MAST4: variants seen among roughly 807,000 people sequenced by gnomAD.
The protein encoded by MAST4 is microtubule associated serine/threonine kinase family member 4.
In MAST4, 89 loss-of-function variants were observed where a neutral mutation model predicts 162.7. The ratio of observed to expected loss-of-function variants is 0.55; its 90% CI spans 0.46 to 0.65. MAST4 has a LOEUF of 0.65. Ranked by LOEUF, MAST4 falls within the 30% of genes least tolerant of loss-of-function variation. The pLI, the probability that MAST4 is intolerant of heterozygous loss-of-function variation, is 0.00. For synonymous variants in MAST4, 1,479 were observed against 1,361.1 expected, an observed-to-expected ratio of 1.09 and a Z score of -1.91; for missense variants, 3,153 against 3,374.0, an observed-to-expected ratio of 0.93 and a Z score of 1.62.
intron 3 of MAST4, among the ~76,000 whole-genome samples, chr5:66,866,060 G>A (rs991752698): frequency 3.1e-5 from 4 of 129,284 alleles, no homozygotes; most frequent in African/African-American, 1.2e-4. Flanking sequence ...GGGTGACAGA[G>A]TGAATCTCCA....
At chr5:66,706,099 T>C (rs1750107836) in intron 1 of MAST4, among the ~76,000 whole-genome samples, 5 of 152,196 alleles carry the variant, frequency 3.3e-5, no homozygotes, top group Admixed American at 3.3e-4. Flanking sequence ...ACTGTGAAGA[T>C]TCCTAGGCTC....
At chr5:66,630,041 A>G (rs1744696015) in intron 1 of MAST4, among the ~76,000 whole-genome samples, 1 of 152,192 alleles carries the variant, frequency 6.6e-6, no homozygotes, top group African/African-American at 2.4e-5. Context: ...AGACCATACT[A>G]GGGAGTGGTT....
At chr5:66,610,546 T>A (rs1453874375) in intron 1 of MAST4, among the ~76,000 whole-genome samples, 4 of 152,248 alleles carry the variant, frequency 2.6e-5, no homozygotes, top group Non-Finnish European at 5.9e-5. Flanking sequence ...TCTGCCTCTT[T>A]GAGCCGCTCC....
intron 1 of MAST4, among the ~76,000 whole-genome samples, chr5:66,685,638 A>G (rs1237690472): frequency 6.6e-6 from 1 of 152,286 alleles, no homozygotes; most frequent in South Asian, 2.1e-4. Flanking sequence ...AACTAGGTTC[A>G]CTATAAGTTT....
intron 3 of MAST4, among the ~76,000 whole-genome samples, chr5:66,898,885 G>A (rs542428173): frequency 6.6e-6 from 1 of 152,320 alleles, no homozygotes; most frequent in South Asian, 2.1e-4. Context: ...GCTGGAGTAA[G>A]TTGTGCTGTG....
intron 7 of MAST4, among the ~76,000 whole-genome samples, chr5:67,097,161 A>G (rs147625005): frequency 4.9e-4 from 75 of 152,276 alleles, no homozygotes; most frequent in African/African-American, 1.2e-3. Flanking sequence ...TATTCTTTCC[A>G]TCTTTAGTAA....
chr5:67,102,714 T>A, intron 9 of MAST4, 103 bp downstream of exon 9: 1 of 869,666 alleles, frequency 1.1e-6, no homozygotes, highest in Non-Finnish European at 1.9e-6. Flanking sequence ...TCCAATCTAG[T>A]AATGATTTGC....
At chr5:66,852,947 G>T (rs948796162) in intron 3 of MAST4, among the ~76,000 whole-genome samples, 1 of 152,170 alleles carries the variant, frequency 6.6e-6, no homozygotes, top group Non-Finnish European at 1.5e-5. Context: ...AAACAGAAAT[G>T]ACATACTCTT....
intron 4 of MAST4, among the ~76,000 whole-genome samples, chr5:66,933,906 G>A (rs1040582350): frequency 1.3e-5 from 2 of 151,940 alleles, no homozygotes; most frequent in African/African-American, 4.8e-5. Flanking sequence ...TGCCCTGGGT[G>A]GTGTTGAACT....
At chr5:66,760,119 AT>A (rs1245196928) in intron 2 of MAST4, among the ~76,000 whole-genome samples, 1 of 148,700 alleles carries the variant, frequency 6.7e-6, no homozygotes. Flanking sequence ...TTATTTATTT[AT>A]TTATTTTTTG....
chr5:66,599,782 C>A (rs531646066), intron 1 of MAST4, among the ~76,000 whole-genome samples: 1 of 151,926 alleles, frequency 6.6e-6, no homozygotes, highest in Non-Finnish European at 1.5e-5. Flanking sequence ...TGTGACAAGG[C>A]GATGTGAGTG....
At position 66,604,449 on chromosome 5, in the gene MAST4, A is replaced by G. The variant is rs868294130; in HGVS notation, c.363+7431A>G. Among the ~76,000 whole-genome samples, 5 of 152,254 alleles carry G rather than the reference A, an allele frequency of 3.3e-5. No homozygotes were observed. The South Asian group carries it at 6.2e-4, about 19-fold the overall frequency. ...GGAATGATGGTAGGTGGGAGGGAAGATGGAATACTGATAAATTGAACTTCT... is the reference window on the plus strand; with the variant it reads ...GGAATGATGGTAGGTGGGAGGGAAGGTGGAATACTGATAAATTGAACTTCT... On this transcript the variant is annotated intron_variant, in intron 1 of 28. Transcript: ENST00000403625.
chr5:67,133,796 T>C, intron 17 of MAST4, 150 bp downstream of exon 17: 1 of 832,414 alleles, frequency 1.2e-6, no homozygotes, highest in Non-Finnish European at 1.8e-6. Context: ...TGCAAATTGC[T>C]CCCATTTTTC....
intron 1 of MAST4, among the ~76,000 whole-genome samples, chr5:66,647,508 A>G (rs1745920251): frequency 6.6e-6 from 1 of 152,210 alleles, no homozygotes. Context: ...TTTTATATAA[A>G]TAAACCAAAT....
At chr5:67,034,511 A>C (rs1755766674) in intron 4 of MAST4, among the ~76,000 whole-genome samples, 2 of 152,150 alleles carry the variant, frequency 1.3e-5, no homozygotes, top group Non-Finnish European at 2.9e-5. Flanking sequence ...TTCAATAGCG[A>C]GAGTCAGGCG....
chr5:67,166,643 C>T lies in MAST4; in HGVS notation c.7464C>T (p.Ala2488=), dbSNP rs1222132806. The change falls in exon 29 of 29, where the codon GCC becomes GCT. Residue 2488 remains alanine, a synonymous_variant. Transcript: ENST00000403625. The part of the protein sequence containing the change: ...ASSDTSSAKA[A]GGMLELPAPS... ...GCGACACCTCTTCTGCCAAGGCCGC[C>T]GGGGGCATGCTGGAGCTTCCAGCCC... The T allele has an allele frequency of 1.9e-6, 3 of 1,600,074 alleles. No homozygotes were observed. Among genetic ancestry groups the T allele is most frequent in the Non-Finnish European group, 1.7e-6 (2 of 1,173,562 alleles).
At chr5:67,085,373 T>C (rs1323477942) in intron 5 of MAST4, among the ~76,000 whole-genome samples, 2 of 152,082 alleles carry the variant, frequency 1.3e-5, no homozygotes, top group Non-Finnish European at 2.9e-5. Context: ...TCTTGCCTGC[T>C]TAAAGCCCAC....
At chr5:66,597,076 C>T in intron 1 of MAST4, 58 bp downstream of exon 1, 1 of 1,346,254 alleles carries the variant, frequency 7.4e-7, no homozygotes, top group Non-Finnish European at 9.5e-7. Flanking sequence ...ACCGTAGTTT[C>T]CCATCCTGCG....
intron 5 of MAST4, among the ~76,000 whole-genome samples, chr5:67,087,893 A>G (rs1006049612): frequency 2.6e-5 from 4 of 152,262 alleles, no homozygotes; most frequent in African/African-American, 9.6e-5. Flanking sequence ...GCAGTGTAGT[A>G]GATGAGAAGA....
Sources: gnomAD v4.1 joint callset for allele counts (sites outside exome capture counted in the v4.1 genomes callset) on GRCh38, gnomAD v4.1.1 for gene constraint, MANE v1.5 for transcripts, NCBI Gene and HGNC (gene_info 2026-07-23, HGNC 2026-07-21) for gene names.